The following CSMD1 variants were observed in gnomAD, a reference collection of about 807,000 sequenced individuals.
CSMD1 encodes CUB and Sushi multiple domains 1.
CSMD1 carries 213 observed loss-of-function variants against 417.5 expected under a neutral mutation model. The observed-to-expected ratio is 0.51, with a 90% CI of 0.46 to 0.57. The LOEUF (loss-of-function observed/expected upper bound fraction) is 0.57. CSMD1 is among the 20% of genes least tolerant of loss of function. The pLI, the probability that CSMD1 is intolerant of heterozygous loss-of-function variation, is 0.00. For missense variants in CSMD1, 6,923 were observed against 4,529.7 expected, an observed-to-expected ratio of 1.53 and a Z score of -15.17; for synonymous variants, 2,862 against 1,736.8, an observed-to-expected ratio of 1.65 and a Z score of -16.11.
At chr8:4,010,027 T>A (rs1222953436) in intron 4 of CSMD1, among the ~76,000 whole-genome samples, 1 of 152,184 alleles carries the variant, frequency 6.6e-6, no homozygotes, top group African/African-American at 2.4e-5. Context: ...GAATGTCTCC[T>A]ACTACTTCCT....
At chr8:4,582,918 C>T (rs996552139) in intron 2 of CSMD1, among the ~76,000 whole-genome samples, 3 of 152,200 alleles carry the variant, frequency 2.0e-5, no homozygotes, top group East Asian at 1.9e-4. Context: ...GCCCCACACT[C>T]GGAGCAGCTG....
At chr8:3,621,904 C>G (rs1340819981) in intron 7 of CSMD1, among the ~76,000 whole-genome samples, 1 of 151,804 alleles carries the variant, frequency 6.6e-6, no homozygotes, top group African/African-American at 2.4e-5. Flanking sequence ...TCGTGTCCAA[C>G]CAGAAGTGTA....
At chr8:4,779,159 C>T (rs989700630) in intron 1 of CSMD1, among the ~76,000 whole-genome samples, 2 of 152,122 alleles carry the variant, frequency 1.3e-5, no homozygotes, top group African/African-American at 2.4e-5. Flanking sequence ...CTGAAGTCTT[C>T]GGTTTAAAAT....
At position 3,205,729 on chromosome 8, in the gene CSMD1, G is replaced by A. The variant is rs143412830; in HGVS notation, c.4868-109C>T. 3.1e-4 allele frequency: 150 copies of A among 490,822 alleles called. No homozygotes were observed. In the East Asian group the frequency reaches 5.1e-3, roughly 17 times the overall value. The allele number at this position is 490,822 out of a possible 1,614,324, so 30.4% of individuals were successfully genotyped here. On this transcript the variant is annotated intron_variant, in intron 30 of 69. Transcript: ENST00000635120. The stretch of plus-strand genomic sequence containing the variant: ...ACGTGAGCACGTTTATTGAAAACTT[G>A]ACAAAATAAGAAGTTAAAATCTTGT...
rs1171858865 is a variant in CSMD1, at chr8:3,954,560, G to T, written c.818+43343C>A. Among the ~76,000 whole-genome samples, 3 of 152,154 alleles carry T rather than the reference G, an allele frequency of 2.0e-5. No homozygotes were observed. In the East Asian group the frequency reaches 5.8e-4, roughly 29 times the overall value. ...TTTTTTGTATTTTTAGTAGAGACGG[G>T]GTTTCACCGTGTTGCTCAGGCTGGA... On this transcript the variant is annotated intron_variant, in intron 5 of 69. Transcript: ENST00000635120.
intron 49 of CSMD1, among the ~76,000 whole-genome samples, chr8:3,063,557 T>C (rs1812731496): frequency 1.3e-5 from 2 of 152,172 alleles, no homozygotes; most frequent in South Asian, 2.1e-4. Context: ...TTATTCACAA[T>C]AGCTAAAATA....
intron 11 of CSMD1, among the ~76,000 whole-genome samples, chr8:3,489,397 C>T (rs1321917586): frequency 6.6e-6 from 1 of 152,158 alleles, no homozygotes; most frequent in East Asian, 1.9e-4. Context: ...TGCCTGCCAC[C>T]CACAGAACGT....
intron 12 of CSMD1, among the ~76,000 whole-genome samples, chr8:3,423,340 C>G (rs1390100224): frequency 1.3e-5 from 2 of 152,158 alleles, no homozygotes; most frequent in Non-Finnish European, 2.9e-5. Flanking sequence ...TTTTTTCTCC[C>G]TTTCCCTTGC....
intron 38 of CSMD1, among the ~76,000 whole-genome samples, chr8:3,161,225 T>A (rs1218962488): frequency 1.3e-5 from 2 of 152,166 alleles, no homozygotes; most frequent in Non-Finnish European, 2.9e-5. Flanking sequence ...GTAGGCTTAC[T>A]CATGGTTAAA....
chr8:3,142,258 C>T lies in CSMD1; in HGVS notation c.6241+207G>A, dbSNP rs189199842. 2.0e-5 allele frequency among the ~76,000 whole-genome samples: 3 copies of T among 152,258 alleles called. No individual in the cohort carries two copies. The East Asian group carries it at 5.8e-4, about 29-fold the overall frequency. On this transcript the variant is annotated intron_variant, in intron 41 of 69. Transcript: ENST00000635120. ...GGCTCTGTCTGGGCAGCAGAAAAGG[C>T]GAACCCACTGGTGGTTCCGTCTGTG...
At chr8:3,153,046 T>C (rs1315685204) in intron 39 of CSMD1, among the ~76,000 whole-genome samples, 1 of 152,194 alleles carries the variant, frequency 6.6e-6, no homozygotes, top group Non-Finnish European at 1.5e-5. Flanking sequence ...GGTGAAGGCT[T>C]TCTAAGTCAC....
chr8:4,660,636 A>G (rs1563087414), intron 1 of CSMD1, among the ~76,000 whole-genome samples: 1 of 151,956 alleles, frequency 6.6e-6, no homozygotes, highest in Non-Finnish European at 1.5e-5. Flanking sequence ...ATAGTTCAGC[A>G]AAATTAAAAA....
chr8:4,556,205 G>C (rs1404136829), intron 2 of CSMD1, among the ~76,000 whole-genome samples: 2 of 151,844 alleles, frequency 1.3e-5, no homozygotes, highest in East Asian at 1.9e-4. Flanking sequence ...TTTATTATGG[G>C]GATACTTTAT....
At chr8:4,283,895 C>T (rs996936203) in intron 3 of CSMD1, among the ~76,000 whole-genome samples, 2 of 152,164 alleles carry the variant, frequency 1.3e-5, no homozygotes, top group African/African-American at 2.4e-5. Context: ...CTTATACATA[C>T]ATTTTCATCC....
intron 42 of CSMD1, among the ~76,000 whole-genome samples, chr8:3,113,792 G>C (rs1473692932): frequency 1.3e-5 from 2 of 152,180 alleles, no homozygotes; most frequent in African/African-American, 4.8e-5. Flanking sequence ...TGGGGGGTTG[G>C]CACACCTTGG....
At chr8:4,951,325 C>T (rs1351854761) in intron 1 of CSMD1, among the ~76,000 whole-genome samples, 1 of 151,976 alleles carries the variant, frequency 6.6e-6, no homozygotes, top group African/African-American at 2.4e-5. Flanking sequence ...CTTCACAAAC[C>T]ATATTTCTAT....
At chr8:4,170,055 C>T (rs1362770833) in intron 3 of CSMD1, among the ~76,000 whole-genome samples, 1 of 151,760 alleles carries the variant, frequency 6.6e-6, no homozygotes, top group Non-Finnish European at 1.5e-5. Flanking sequence ...TACTCAAAAC[C>T]TCTAGGTAAG....
chr8:4,455,805 C>A (rs1343297277), intron 2 of CSMD1, among the ~76,000 whole-genome samples: 1 of 150,848 alleles, frequency 6.6e-6, no homozygotes, highest in East Asian at 2.0e-4. Context: ...GTGGCATGTG[C>A]CTGGAATCCC....
intron 7 of CSMD1, among the ~76,000 whole-genome samples, chr8:3,692,575 C>G (rs188009528): frequency 6.6e-6 from 1 of 152,056 alleles, no homozygotes; most frequent in East Asian, 1.9e-4. Flanking sequence ...TCTGGGATAA[C>G]AGGCATGTCA....
Sources: allele counts gnomAD v4.1 joint callset (sites outside exome capture counted in the v4.1 genomes callset), GRCh38; gene constraint gnomAD v4.1.1; transcripts MANE v1.5; gene names NCBI Gene and HGNC (gene_info 2026-07-23, HGNC 2026-07-21).